LRRC56: variants seen among roughly 807,000 people sequenced by gnomAD.
LRRC56 encodes the protein leucine rich repeat containing 56.
A neutral mutation model predicts 47.8 loss-of-function variants in LRRC56; 41 were observed. The observed-to-expected ratio is 0.86, with a 90% CI of 0.67 to 1.11. LRRC56 has a LOEUF of 1.11. Among genes scored for constraint, LRRC56 ranks in the 50% most tolerant of loss-of-function variants. The pLI, the probability that LRRC56 is intolerant of heterozygous loss-of-function variation, is 0.00. For missense variants in LRRC56, 759 were observed against 704.2 expected, an observed-to-expected ratio of 1.08 and a Z score of -0.88; for synonymous variants, 387 against 311.2, an observed-to-expected ratio of 1.24 and a Z score of -2.56.
chr11:518,613 C>T, the LRRC56 span, among the ~76,000 whole-genome samples: 3 of 152,152 alleles, frequency 2.0e-5, no homozygotes, highest in Admixed American at 2.0e-4. Context: ...GTGAGTCACC[C>T]TGCCCGGCCG....
In LRRC56 at chr11:552,082, C is replaced by T. The variant is rs1275769252; in HGVS notation, c.1039-8C>T. The T allele has an allele frequency of 1.6e-5, 25 of 1,608,610 alleles. No homozygotes were observed. The highest frequency in any genetic ancestry group is 2.0e-5 in the Non-Finnish European group (23 of 1,176,936). ...AGAATCCCTAAAGCAGTCCCTTTTC[C>T]TCCCCAGGCCAGGGAGCCCCCCGAG... On this transcript the variant is annotated splice_polypyrimidine_tract_variant and splice_region_variant and intron_variant, in intron 11 of 13. Coordinates refer to ENST00000270115, the MANE Select transcript of LRRC56 (RefSeq NM_198075.4).
the LRRC56 span, among the ~76,000 whole-genome samples, chr11:531,162 TGGAGAGAAG>T: frequency 6.7e-6 from 1 of 149,912 alleles, no homozygotes; most frequent in Non-Finnish European, 1.5e-5. Flanking sequence ...TGGCGTCCCC[TGGAGAGAAG>T]GGCGAGTGTG....
chr11:515,512 T>C, the LRRC56 span, among the ~76,000 whole-genome samples: 2 of 152,318 alleles, frequency 1.3e-5, no homozygotes, highest in Non-Finnish European at 1.5e-5. Context: ...TTAACGCACA[T>C]TTTACAGTTG....
intron 4 of LRRC56, 98 bp downstream of exon 4, chr11:540,959 C>A (rs1851766753): frequency 3.8e-6 from 4 of 1,045,902 alleles, no homozygotes; most frequent in Non-Finnish European, 5.4e-6. Context: ...CTCTGTCCCC[C>A]TCCTGCTGGT....
the LRRC56 span, among the ~76,000 whole-genome samples, chr11:512,844 G>A: frequency 6.6e-6 from 1 of 152,212 alleles, no homozygotes; most frequent in Admixed American, 6.5e-5. Flanking sequence ...TGAGCCCCTC[G>A]AGGGTTCCTG....
chr11:553,722 C>G (rs1308928303), intron 13 of LRRC56, among the ~76,000 whole-genome samples: 1 of 152,196 alleles, frequency 6.6e-6, no homozygotes, highest in Non-Finnish European at 1.5e-5. Context: ...CACAGAGGAC[C>G]CAGGGCCAGA....
At chr11:537,429 C>G (rs1377070614), upstream of LRRC56, 1 of 152,276 alleles carries the variant, frequency 6.6e-6, no homozygotes, top group Non-Finnish European at 1.5e-5. Context: ...GAACCCGAGC[C>G]CCCGGCGACT....
the LRRC56 span, among the ~76,000 whole-genome samples, chr11:527,520 G>A: frequency 6.6e-6 from 1 of 152,024 alleles, no homozygotes; most frequent in Non-Finnish European, 1.5e-5. Flanking sequence ...AAACGATAGG[G>A]TAAGGGTTTT....
At chr11:524,334 A>G in the LRRC56 span, among the ~76,000 whole-genome samples, 1 of 152,100 alleles carries the variant, frequency 6.6e-6, no homozygotes, top group African/African-American at 2.4e-5. Context: ...GCAATTCAGT[A>G]GAGAAAGGAA....
At chr11:524,556 G>A in the LRRC56 span, among the ~76,000 whole-genome samples, 4 of 151,912 alleles carry the variant, frequency 2.6e-5, no homozygotes, top group South Asian at 4.2e-4. Flanking sequence ...GCTTGAACCC[G>A]GGAGGCGGAG....
chr11:551,060 G>T (rs1189614265), intron 8 of LRRC56, 71 bp from the exon 9 acceptor site: 1 of 931,982 alleles, frequency 1.1e-6, no homozygotes, highest in Admixed American at 3.3e-5. Flanking sequence ...AAGGGAGCCA[G>T]GGAAAGAGCT....
intron 5 of LRRC56, among the ~76,000 whole-genome samples, chr11:543,351 A>G (rs545171839): frequency 6.0e-5 from 9 of 151,152 alleles, no homozygotes; most frequent in Admixed American, 5.9e-4. Flanking sequence ...AGTAGCTGGG[A>G]TTACAGGTGT....
the LRRC56 span, among the ~76,000 whole-genome samples, chr11:523,801 G>A: frequency 1.3e-5 from 2 of 151,208 alleles, no homozygotes; most frequent in East Asian, 2.0e-4. Flanking sequence ...GGTGGCGCAC[G>A]CCTGTAGTCC....
chr11:550,409 T>A (rs1852323517), intron 8 of LRRC56, 137 bp downstream of exon 8: 1 of 817,910 alleles, frequency 1.2e-6, no homozygotes, highest in South Asian at 1.8e-5. Flanking sequence ...TGAGTTCACC[T>A]CCTCTGTCAC....
rs552279971 is a variant in LRRC56 at position 551,686 on chromosome 11, C to G, written c.832C>G (p.Pro278Ala). The change falls in exon 10 of 14, where the codon CCC becomes GCC. Residue 278 changes from proline (P) to alanine (A), a missense_variant. Physicochemically the swap from Pro to Ala is conservative, Grantham distance 27. Transcript: ENST00000270115. ...TGGAGCCCCCATCCGGAGACTTGAC[C>G]CCGAGCTGTCCCTGCCTGAGACGCA... is the stretch of plus-strand genomic sequence containing the variant. Reference protein sequence around the residue: ...PRGAPIRRLDPELSLPETQSR... With the variant: ...PRGAPIRRLDAELSLPETQSR... The G allele has an allele frequency of 2.4e-5, 39 of 1,604,164 alleles. No homozygotes were observed. Among genetic ancestry groups the G allele is most frequent in the Non-Finnish European group, 3.3e-5 (39 of 1,175,434 alleles).
Position 540,721 on chromosome 11 carries a change from C to G in LRRC56, c.37C>G (p.Arg13Gly), listed in dbSNP as rs746762994. The G allele has an allele frequency of 1.9e-6, 3 of 1,612,476 alleles. No individual in the cohort carries two copies. Among genetic ancestry groups the G allele is most frequent in the African/African-American group, 1.3e-5 (1 of 74,896 alleles). ...LGWDRSRGPR[R>G]STSSVRVREL... ...CTGGGACAGATCCCGTGGGCCTCGG[C>G]GGAGCACCTCCAGCGTCCGGGTGCG... is the stretch of plus-strand genomic sequence containing the variant. The change falls in exon 4 of 14, where the codon CGG (arginine) becomes GGG (glycine). Residue 13 changes from arginine (R) to glycine (G), a missense_variant. Coordinates refer to ENST00000270115, the MANE Select transcript of LRRC56 (RefSeq NM_198075.4).
At chr11:551,627 C>T (rs1489445909) in intron 9 of LRRC56, 24 bp from the exon 10 acceptor site, 4 of 1,533,812 alleles carry the variant, frequency 2.6e-6, no homozygotes, top group Non-Finnish European at 3.5e-6. Flanking sequence ...GCCTTGGTGA[C>T]CTCTGCTTCT....
At position 550,281 on chromosome 11, in the gene LRRC56, C is replaced by T; in HGVS notation, c.624+9C>T. On this transcript the variant is annotated intron_variant, in intron 8 of 13. Coordinates refer to ENST00000270115, the MANE Select transcript of LRRC56 (RefSeq NM_198075.4). The stretch of plus-strand genomic sequence containing the variant: ...CTGGCCCCACCAACAAGGTGCGTGT[C>T]CCGGGCACCCGGCCAGCATGTGCAT... The T allele has an allele frequency of 6.5e-7, 1 of 1,538,934 alleles. No individual in the cohort carries two copies. Among genetic ancestry groups the T allele is most frequent in the African/African-American group, 1.4e-5 (1 of 73,532 alleles).
the LRRC56 span, among the ~76,000 whole-genome samples, chr11:517,929 G>A: frequency 2.0e-4 from 30 of 152,290 alleles, no homozygotes; most frequent in South Asian, 6.2e-4. Flanking sequence ...GATTAAGGGC[G>A]GTGCCAGATG....
Sources: gnomAD v4.1 joint callset for allele counts (sites outside exome capture counted in the v4.1 genomes callset) on GRCh38, gnomAD v4.1.1 for gene constraint, MANE v1.5 for transcripts, NCBI Gene and HGNC (gene_info 2026-07-23, HGNC 2026-07-21) for gene names.